Variants in HEATR4 observed in about 807,000 individuals in gnomAD.
The protein encoded by HEATR4 is HEAT repeat-containing protein 4.
Under a neutral mutation model 108.8 loss-of-function variants are expected in HEATR4, and 95 were observed. The ratio of observed to expected loss-of-function variants is 0.87; its 90% CI spans 0.74 to 1.04. The LOEUF (loss-of-function observed/expected upper bound fraction) is 1.04, where lower values mean the gene tolerates loss of function less well. Among genes scored for constraint, HEATR4 ranks in the 50% least tolerant of loss-of-function variants. The pLI, the probability that HEATR4 is intolerant of heterozygous loss-of-function variation, is 0.00. For missense variants in HEATR4, 1,152 were observed against 1,253.8 expected (o/e 0.92, Z 1.23); for synonymous variants, 443 against 459.4 (o/e 0.96, Z 0.46).
At chr14:73,524,310 A>ATATATAT (rs1555393076) in intron 2 of HEATR4, among the ~76,000 whole-genome samples, 67 of 54,748 alleles carry the variant, frequency 1.2e-3, no homozygotes, top group East Asian at 3.2e-3. Context: ...AAAAAAAAAA[A>ATATATAT]ATATATATAT....
At chr14:73,576,399 T>G in the HEATR4 span, among the ~76,000 whole-genome samples, 4 of 152,030 alleles carry the variant, frequency 2.6e-5, no homozygotes. Context: ...CAAATAAATT[T>G]TACATTCCTG....
chr14:73,499,260 C>T (rs1449055671), intron 12 of HEATR4, 120 bp from the exon 13 acceptor site: 1 of 808,430 alleles, frequency 1.2e-6, no homozygotes, highest in Non-Finnish European at 2.2e-6. Flanking sequence ...GTGGGCGGAT[C>T]ACTTGACATC....
At chr14:73,616,976 G>C in the HEATR4 span, 8 of 652,298 alleles carry the variant, frequency 1.2e-5, no homozygotes, top group Non-Finnish European at 1.9e-5. Context: ...CCTGTGATTT[G>C]TGATGTTCTC....
the HEATR4 span, among the ~76,000 whole-genome samples, chr14:73,615,401 A>AC: frequency 0.032 from 2,979 of 93,652 alleles, 154 homozygotes; most frequent in South Asian, 0.18. Flanking sequence ...AAAAAAAAAA[A>AC]AAAAAACAAA....
At chr14:73,487,122 A>G (rs981448440) in intron 17 of HEATR4, among the ~76,000 whole-genome samples, 1 of 147,802 alleles carries the variant, frequency 6.8e-6, no homozygotes, top group African/African-American at 2.5e-5. Flanking sequence ...TAATAATAAT[A>G]ATTAAAAAAA....
At position 73,554,789 on chromosome 14, in the gene HEATR4, C is replaced by T. The variant is rs1330852247; in HGVS notation, c.-152+3962G>A. 4.4e-5 allele frequency among the ~76,000 whole-genome samples: 5 copies of T among 114,490 alleles called. 1 individual carries two copies. Among genetic ancestry groups the T allele is most frequent in the African/African-American group, 1.4e-4 (5 of 35,544 alleles). The allele number at this position is 114,490 out of a possible 152,430, so 75.1% of individuals were successfully genotyped here. A position where few individuals can be genotyped will look rare whatever the true frequency, so the allele number is the denominator to read the frequency against. ...TGCTGATTCTTAGATAGAAACCATT[C>T]TTTATATTTGATAGACTGTTTTCAG... On this transcript the variant is annotated intron_variant, in intron 1 of 17. Transcript: ENST00000553558.
chr14:73,504,076 C>CTTTTTT (rs538654870), intron 10 of HEATR4, among the ~76,000 whole-genome samples: 6 of 127,760 alleles, frequency 4.7e-5, no homozygotes, highest in Non-Finnish European at 6.6e-5. Flanking sequence ...TTTTGCATTT[C>CTTTTTT]TTTTTTTTTT....
intron 14 of HEATR4, among the ~76,000 whole-genome samples, chr14:73,497,780 C>G (rs1039674638): frequency 1.3e-5 from 2 of 152,020 alleles, no homozygotes; most frequent in Non-Finnish European, 2.9e-5. Context: ...GCATGTGCCA[C>G]CATGCCTGGC....
the HEATR4 span, chr14:73,612,775 G>A: frequency 1.5e-6 from 2 of 1,368,834 alleles, no homozygotes; most frequent in Non-Finnish European, 1.9e-6. Flanking sequence ...CGCCCGCGCT[G>A]GGAGGCAGCT....
Position 73,537,437 on chromosome 14 carries a change from A to G in HEATR4, c.-151-7193T>C, listed in dbSNP as rs750018888. The G allele has an allele frequency of 5.6e-5, 69 of 1,233,274 alleles. 19 individuals carry two copies. In the South Asian group the frequency reaches 9.3e-4, roughly 17 times the overall value. 76.4% of individuals were successfully genotyped at this position (1,233,274 alleles called of 1,614,324 possible). On this transcript the variant is annotated intron_variant, in intron 1 of 17. Coordinates refer to ENST00000553558, the MANE Select transcript of HEATR4 (RefSeq NM_001220484.1). ...TCCTGCTCGGATGGCGGCGACGCTG[A>G]TCCTGGAGCCCGCGGGCCGCTGCTG...
chr14:73,608,581 C>G, the HEATR4 span, among the ~76,000 whole-genome samples: 2,253 of 152,298 alleles, frequency 0.015, 57 homozygotes, highest in African/African-American at 0.051. Flanking sequence ...CTCCAAGTCT[C>G]TAGGCAGTTC....
intron 17 of HEATR4, among the ~76,000 whole-genome samples, chr14:73,481,294 C>G (rs767753686): frequency 6.6e-6 from 1 of 151,390 alleles, no homozygotes; most frequent in Non-Finnish European, 1.5e-5. Context: ...CAAAAATTAG[C>G]GGGGGGTGGC....
the HEATR4 span, among the ~76,000 whole-genome samples, chr14:73,583,539 G>A: frequency 6.6e-6 from 1 of 151,498 alleles, no homozygotes; most frequent in Non-Finnish European, 1.5e-5. Context: ...GGAATGTCAG[G>A]TGATGGTTCG....
the HEATR4 span, among the ~76,000 whole-genome samples, chr14:73,618,160 A>G: frequency 6.6e-6 from 1 of 152,226 alleles, no homozygotes; most frequent in African/African-American, 2.4e-5. Context: ...AAACCCAACA[A>G]CAACAACGAC....
chr14:73,527,843 G>T (rs1011363709), intron 2 of HEATR4, among the ~76,000 whole-genome samples: 5 of 151,094 alleles, frequency 3.3e-5, no homozygotes, highest in African/African-American at 1.2e-4. Flanking sequence ...GCCAGTCATG[G>T]TGGCAGGTGC....
the HEATR4 span, among the ~76,000 whole-genome samples, chr14:73,590,245 G>A: frequency 3.9e-5 from 6 of 152,182 alleles, no homozygotes; most frequent in African/African-American, 1.4e-4. Flanking sequence ...CCCTGAGCTA[G>A]ACACAAAAGT....
the HEATR4 span, among the ~76,000 whole-genome samples, chr14:73,628,525 G>A: frequency 4.3e-4 from 65 of 152,054 alleles, no homozygotes; most frequent in African/African-American, 1.5e-3. Flanking sequence ...AGGCCGAGGC[G>A]GGCGGATCAT....
rs776243646 is a variant in HEATR4, at chr14:73,491,838, C to T, written c.2844+1228G>A. ...CGCTACATCAACGGACGACGCGAGA[C>T]CCTGAACCCACCCGGCCGCGCGCTG... On this transcript the variant is annotated intron_variant, in intron 17 of 17. Transcript: ENST00000553558. The T allele has an allele frequency of 1.9e-6, 3 of 1,609,022 alleles. No homozygotes were observed. In the South Asian group the frequency reaches 3.3e-5, roughly 18 times the overall value.
chr14:73,544,086 A>AGAC (rs1283578694), intron 1 of HEATR4, among the ~76,000 whole-genome samples: 1 of 114,914 alleles, frequency 8.7e-6, no homozygotes, highest in African/African-American at 2.8e-5. Flanking sequence ...TGAGGTCAGG[A>AGAC]GTTTGAGACC....
Sources: allele counts gnomAD v4.1 joint callset (sites outside exome capture counted in the v4.1 genomes callset), GRCh38; gene constraint gnomAD v4.1.1; transcripts MANE v1.5; gene names NCBI Gene and HGNC (gene_info 2026-07-23, HGNC 2026-07-21).